SPATA16: variants seen among roughly 807,000 people sequenced by gnomAD.
SPATA16 encodes spermatogenesis-associated protein 16.
A neutral mutation model predicts 63.3 loss-of-function variants in SPATA16; 36 were observed. The observed-to-expected ratio is 0.57, with a 90% CI of 0.44 to 0.75. SPATA16 has a LOEUF of 0.75. Ranked by LOEUF, SPATA16 falls within the 30% of genes least tolerant of loss-of-function variation. The probability of loss-of-function intolerance (pLI) is 0.00; values close to 1 mark genes in which losing one functional copy is unlikely to be tolerated. For missense variants in SPATA16, 646 were observed against 679.3 expected, an observed-to-expected ratio of 0.95 and a Z score of 0.54; for synonymous variants, 203 against 216.7, an observed-to-expected ratio of 0.94 and a Z score of 0.56.
intron 6 of SPATA16, among the ~76,000 whole-genome samples, chr3:172,948,878 C>T (rs1733360647): frequency 6.6e-6 from 1 of 152,106 alleles, no homozygotes; most frequent in Non-Finnish European, 1.5e-5. Flanking sequence ...AGTTCATAAA[C>T]AAATTATTGA....
At chr3:172,948,801 A>G (rs760067470) in intron 6 of SPATA16, among the ~76,000 whole-genome samples, 56 of 152,184 alleles carry the variant, frequency 3.7e-4, no homozygotes, top group Non-Finnish European at 6.3e-4. Context: ...AGACCTGTCT[A>G]TTCATAGGAC....
At chr3:173,052,267 G>C (rs931372603) in intron 2 of SPATA16, among the ~76,000 whole-genome samples, 2 of 152,056 alleles carry the variant, frequency 1.3e-5, no homozygotes, top group Non-Finnish European at 2.9e-5. Flanking sequence ...GTCTCTGCTT[G>C]TATAAGATTC....
intron 8 of SPATA16, among the ~76,000 whole-genome samples, chr3:172,916,771 G>T (rs188299878): frequency 8.1e-4 from 124 of 152,272 alleles, no homozygotes; most frequent in Middle Eastern, 6.8e-3. Flanking sequence ...ATTTGAATCT[G>T]CACTTCACTC....
intron 2 of SPATA16, among the ~76,000 whole-genome samples, chr3:173,051,392 C>CCCTTCCTA (rs1263137063): frequency 1.3e-5 from 2 of 152,018 alleles, no homozygotes; most frequent in Admixed American, 6.6e-5. Context: ...TTAGTAGAGA[C>CCCTTCCTA]GGGGTTTCAC....
chr3:172,986,637 G>T (rs1734465625), intron 4 of SPATA16, among the ~76,000 whole-genome samples: 4 of 152,082 alleles, frequency 2.6e-5, no homozygotes, highest in Admixed American at 2.6e-4. Context: ...GGAAGAGCAG[G>T]AAACTCCAAA....
intron 4 of SPATA16, among the ~76,000 whole-genome samples, chr3:172,983,323 CCTCT>C (rs1734364392): frequency 1.4e-5 from 2 of 146,532 alleles, no homozygotes; most frequent in Non-Finnish European, 2.9e-5. Flanking sequence ...CTCCAAGTGA[CCTCT>C]CTTTTTTTTT....
chr3:173,064,351 T>TA (rs1018580152), intron 2 of SPATA16, among the ~76,000 whole-genome samples: 6 of 133,362 alleles, frequency 4.5e-5, no homozygotes, highest in African/African-American at 1.9e-4. Context: ...GGAAGGGAAT[T>TA]AAAAAAACCA....
intron 5 of SPATA16, among the ~76,000 whole-genome samples, chr3:172,970,237 C>G (rs959305494): frequency 2.6e-5 from 4 of 152,258 alleles, no homozygotes; most frequent in African/African-American, 9.6e-5. Flanking sequence ...CTTTCCTTGA[C>G]AGAATTAAGC....
At chr3:172,968,036 A>T (rs771422042) in intron 5 of SPATA16, among the ~76,000 whole-genome samples, 4 of 152,200 alleles carry the variant, frequency 2.6e-5, no homozygotes, top group Non-Finnish European at 5.9e-5. Flanking sequence ...CCCTGGTACC[A>T]AAAAGTTGGG....
intron 3 of SPATA16, among the ~76,000 whole-genome samples, chr3:173,042,385 C>T (rs1735862263): frequency 6.6e-6 from 1 of 152,064 alleles, no homozygotes; most frequent in Non-Finnish European, 1.5e-5. Flanking sequence ...CCACCACACC[C>T]AGCTAATTTT....
intron 5 of SPATA16, among the ~76,000 whole-genome samples, chr3:172,960,887 C>CTTTCTTTCTTTCTTTCTTTCTTTCTT (rs1177756966): frequency 3.2e-5 from 2 of 62,342 alleles, no homozygotes; most frequent in African/African-American, 7.9e-5. Flanking sequence ...CTTTCTTTCT[C>CTTTCTTTCTTTCTTTCTTTCTTTCTT]TCTCTCCTTC....
chr3:173,118,095 A>G (rs1737956491), intron 1 of SPATA16, among the ~76,000 whole-genome samples: 1 of 152,178 alleles, frequency 6.6e-6, no homozygotes, highest in Non-Finnish European at 1.5e-5. Flanking sequence ...AGCCAAAGTA[A>G]ATCTATCTCA....
At chr3:173,002,854 A>G (rs1219085906) in intron 4 of SPATA16, among the ~76,000 whole-genome samples, 1 of 152,224 alleles carries the variant, frequency 6.6e-6, no homozygotes, top group Non-Finnish European at 1.5e-5. Context: ...TTGGTTATCC[A>G]CTGAGGTGAA....
At chr3:173,135,614 G>T (rs1738524730) in intron 1 of SPATA16, among the ~76,000 whole-genome samples, 1 of 152,126 alleles carries the variant, frequency 6.6e-6, no homozygotes, top group Non-Finnish European at 1.5e-5. Flanking sequence ...GAGAATAAAG[G>T]AACTACAACT....
intron 2 of SPATA16, among the ~76,000 whole-genome samples, chr3:173,054,720 C>G (rs901945209): frequency 1.3e-5 from 2 of 152,014 alleles, no homozygotes; most frequent in African/African-American, 4.8e-5. Context: ...ATGCAACAAA[C>G]CTGTACGTTC....
At chr3:173,121,756 A>G (rs1206024822) in intron 1 of SPATA16, among the ~76,000 whole-genome samples, 2 of 152,170 alleles carry the variant, frequency 1.3e-5, no homozygotes, top group African/African-American at 2.4e-5. Flanking sequence ...GATTTTTTTA[A>G]AAAGGTATGG....
intron 2 of SPATA16, among the ~76,000 whole-genome samples, chr3:173,111,837 T>A (rs1737756805): frequency 6.6e-6 from 1 of 152,172 alleles, no homozygotes; most frequent in Non-Finnish European, 1.5e-5. Context: ...ACATTTACCA[T>A]AAAGAATGTG....
At chr3:172,910,092 CT>C (rs35827342) in intron 10 of SPATA16, among the ~76,000 whole-genome samples, 10,924 of 126,980 alleles carry the variant, frequency 0.086, 175 homozygotes, top group African/African-American at 0.11. Flanking sequence ...ACAGCAAATG[CT>C]TTTTTTTTTT....
chr3:173,040,001 C>T (rs1040420951), intron 3 of SPATA16, among the ~76,000 whole-genome samples: 3 of 152,052 alleles, frequency 2.0e-5, no homozygotes, highest in Non-Finnish European at 4.4e-5. Context: ...ATTAAAAGCT[C>T]AAGAGGGGCC....
Sources: gnomAD v4.1 joint callset for allele counts (sites outside exome capture counted in the v4.1 genomes callset) on GRCh38, gnomAD v4.1.1 for gene constraint, MANE v1.5 for transcripts, NCBI Gene and HGNC (gene_info 2026-07-23, HGNC 2026-07-21) for gene names.